IRS1: variants seen among roughly 807,000 people sequenced by gnomAD.
IRS1 encodes insulin receptor substrate 1.
IRS1 carries 34 observed loss-of-function variants against 65.6 expected under a neutral mutation model. The observed-to-expected ratio is 0.52, with a 90% CI of 0.39 to 0.69. IRS1 has a LOEUF of 0.69. Ranked by LOEUF, IRS1 falls within the 30% of genes least tolerant of loss-of-function variation. IRS1 has a pLI of 0.00. For synonymous variants in IRS1, 699 were observed against 683.5 expected (o/e 1.02, Z -0.35); for missense variants, 1,641 against 1,720.2 (o/e 0.95, Z 0.81).
intron 1 of IRS1, among the ~76,000 whole-genome samples, chr2:226,751,299 T>C (rs977898641): frequency 4.2e-5 from 6 of 142,822 alleles, no homozygotes; most frequent in Non-Finnish European, 7.5e-5. Flanking sequence ...TTTTTTTTTT[T>C]TTGAGACAGA....
At chr2:226,769,887 C>T (rs1485481121) in intron 1 of IRS1, among the ~76,000 whole-genome samples, 2 of 152,138 alleles carry the variant, frequency 1.3e-5, no homozygotes, top group Non-Finnish European at 2.9e-5. Context: ...CGCCTTACTG[C>T]CATATAAAGT....
chr2:226,745,921 T>C (rs1269996080), intron 1 of IRS1, among the ~76,000 whole-genome samples: 1 of 151,954 alleles, frequency 6.6e-6, no homozygotes, highest in Non-Finnish European at 1.5e-5. Flanking sequence ...AAGGGGAAAA[T>C]GCCAGAACAA....
chr2:226,763,434 TCATG>T (rs112468016), intron 1 of IRS1, among the ~76,000 whole-genome samples: 13,821 of 152,132 alleles, frequency 0.091, 1,189 homozygotes, highest in African/African-American at 0.23. Context: ...AAACTGCCAT[TCATG>T]CATGCCACAT....
At chr2:226,755,849 C>T (rs1938786228) in intron 1 of IRS1, among the ~76,000 whole-genome samples, 1 of 152,214 alleles carries the variant, frequency 6.6e-6, no homozygotes, top group Non-Finnish European at 1.5e-5. Context: ...AAATGCTAAT[C>T]CAACAGAAAG....
chr2:226,768,782 GC>G (rs1401284733), intron 1 of IRS1, among the ~76,000 whole-genome samples: 1 of 151,966 alleles, frequency 6.6e-6, no homozygotes, highest in Non-Finnish European at 1.5e-5. Flanking sequence ...GACTATAGGC[GC>G]CCCCCACCAC....
Position 226,750,249 on chromosome 2 carries a change from CAAAAAAA to C in IRS1, c.*22-14006_*22-14000del, listed in dbSNP as rs75785691. ...GGGCAACAAGAGCGAAACTCTGTCT[CAAAAAAA>C]AAAAAAAAAAAAAAGAATCATTAAA... On this transcript the variant is annotated intron_variant, in intron 1 of 1. Transcript: ENST00000305123. Among the ~76,000 whole-genome samples the C allele has an allele frequency of 1.5e-4, 9 of 59,994 alleles. No individual in the cohort carries two copies. In the South Asian group the frequency reaches 2.0e-3, roughly 13 times the overall value. 39.4% of individuals were successfully genotyped at this position (59,994 alleles called of 152,430 possible).
chr2:226,755,030 AT>A (rs900828647), intron 1 of IRS1, among the ~76,000 whole-genome samples: 50 of 152,204 alleles, frequency 3.3e-4, no homozygotes, highest in Non-Finnish European at 1.2e-4. Flanking sequence ...GAGGCCTGAC[AT>A]TTATTGATCC....
chr2:226,741,827 AT>A (rs1938445905), intron 1 of IRS1, among the ~76,000 whole-genome samples: 1 of 123,372 alleles, frequency 8.1e-6, no homozygotes, highest in African/African-American at 3.2e-5. Context: ...ACACACACAC[AT>A]AACACACACA....
At chr2:226,751,272 G>GGTTTTTTT (rs1938672156) in intron 1 of IRS1, among the ~76,000 whole-genome samples, 1 of 120,660 alleles carries the variant, frequency 8.3e-6, no homozygotes, top group Non-Finnish European at 1.7e-5. Context: ...CTCCACACGG[G>GGTTTTTTT]TATTTTTTTT....
intron 1 of IRS1, among the ~76,000 whole-genome samples, chr2:226,746,838 G>A (rs1559147829): frequency 1.4e-5 from 2 of 140,864 alleles, no homozygotes; most frequent in East Asian, 4.2e-4. Flanking sequence ...CACCCAGGCT[G>A]GGCTGCAGTG....
rs752864956 is a variant in IRS1 at position 226,795,639 on chromosome 2, C to T, written c.3100G>A (p.Ala1034Thr). Residue 1034 changes from alanine to threonine, a missense_variant, in exon 1 of 2, where the codon GCC (alanine) becomes ACC (threonine). By Grantham distance (58) the Ala-to-Thr change is moderately conservative. Transcript: ENST00000305123. ...GCAGAGGCTGCTGAGGATGAGGAGG[C>T]AGCAGCCATGGTGGCCCTGGGCAGG... ...VSLPRATMAA[A>T]SSSSAASASP... 70 of 1,612,630 alleles carry T rather than the reference C, an allele frequency of 4.3e-5. No individual in the cohort carries two copies. Among genetic ancestry groups the T allele is most frequent in the Non-Finnish European group, 5.5e-5 (65 of 1,179,836 alleles).
intron 1 of IRS1, among the ~76,000 whole-genome samples, chr2:226,792,640 A>G (rs768389984): frequency 3.9e-5 from 6 of 152,206 alleles, no homozygotes; most frequent in Non-Finnish European, 7.3e-5. Context: ...ACAAGCCGAG[A>G]TGTTTCAACA....
chr2:226,777,013 A>T (rs993128182), intron 1 of IRS1, among the ~76,000 whole-genome samples: 1 of 152,200 alleles, frequency 6.6e-6, no homozygotes, highest in South Asian at 2.1e-4. Flanking sequence ...CATAAAAAAC[A>T]AGAAAAATCT....
At chr2:226,751,047 C>A (rs1366435718) in intron 1 of IRS1, among the ~76,000 whole-genome samples, 1 of 152,106 alleles carries the variant, frequency 6.6e-6, no homozygotes, top group East Asian at 1.9e-4. Flanking sequence ...GGAGGCTACA[C>A]CACAAGCCAT....
chr2:226,770,329 A>G (rs1425988873), intron 1 of IRS1, among the ~76,000 whole-genome samples: 1 of 152,238 alleles, frequency 6.6e-6, no homozygotes, highest in African/African-American at 2.4e-5. Flanking sequence ...AGTGTGGTCT[A>G]CTTAGCTTCT....
At chr2:226,754,914 C>T (rs542112152) in intron 1 of IRS1, among the ~76,000 whole-genome samples, 1 of 152,272 alleles carries the variant, frequency 6.6e-6, no homozygotes, top group East Asian at 1.9e-4. Context: ...CCTATAAAAA[C>T]ACTAAAATGA....
rs763042411 is a variant in IRS1, at chr2:226,797,574, GGCT to G, written c.1162_1164del (p.Ser388del). On this transcript the variant is annotated inframe_deletion, in exon 1 of 2. Coordinates refer to ENST00000305123, the MANE Select transcript of IRS1 (RefSeq NM_005544.3). The surrounding 1 kb of genome is among the most constrained non-coding windows in gnomAD (Gnocchi z 8.1). Reference sequence around the variant, plus strand: ...GTGCTACTGGACGACAGACTGACCGGGCTGGTGGCCGAAGGCGAGCAGCGGGAA... The same window carrying G: ...GTGCTACTGGACGACAGACTGACCGGGGTGGCCGAAGGCGAGCAGCGGGAA... 3 of 1,597,272 alleles carry G rather than the reference GGCT, an allele frequency of 1.9e-6. No homozygotes were observed. Among genetic ancestry groups the G allele is most frequent in the Admixed American group, 3.4e-5 (2 of 59,236 alleles).
intron 1 of IRS1, among the ~76,000 whole-genome samples, chr2:226,756,048 A>T (rs1938794831): frequency 6.6e-6 from 1 of 152,254 alleles, no homozygotes; most frequent in Admixed American, 6.5e-5. Context: ...TATAAAGGGA[A>T]ATACTTCATT....
intron 1 of IRS1, among the ~76,000 whole-genome samples, chr2:226,747,790 T>A (rs186951645): frequency 2.0e-4 from 31 of 152,194 alleles, no homozygotes; most frequent in African/African-American, 7.5e-4. Context: ...GTAATGGTTC[T>A]CAATTTGTGT....
Sources: allele counts gnomAD v4.1 joint callset (sites outside exome capture counted in the v4.1 genomes callset), GRCh38; gene constraint gnomAD v4.1.1; non-coding constraint Gnocchi (gnomAD v3.1); transcripts MANE v1.5; gene names NCBI Gene and HGNC (gene_info 2026-07-23, HGNC 2026-07-21).